PKD1L1: variants seen among roughly 807,000 people sequenced by gnomAD.
PKD1L1 encodes polycystin 1 like 1, transient receptor potential channel interacting.
Under a neutral mutation model 323.4 loss-of-function variants are expected in PKD1L1, and 236 were observed. The observed-to-expected ratio is 0.73, with a 90% confidence interval of 0.66 to 0.81. PKD1L1 has a LOEUF of 0.81. PKD1L1 is among the 40% of genes least tolerant of loss of function. PKD1L1 has a pLI of 0.00. For missense variants in PKD1L1, 3,320 were observed against 3,508.0 expected (o/e 0.95, Z 1.35); for synonymous variants, 1,344 against 1,335.0 (o/e 1.01, Z -0.15).
Position 47,890,563 on chromosome 7 carries a change from G to A in PKD1L1, c.2654C>T (p.Pro885Leu), listed in dbSNP as rs765494656. 2.3e-5 allele frequency: 37 copies of A among 1,614,002 alleles called. No homozygotes were observed. The East Asian group carries it at 7.6e-4, about 33-fold the overall frequency. Residue 885 changes from proline (P) to leucine (L), a missense_variant, in exon 16 of 57, where the codon CCC (proline) becomes CTC (leucine). Transcript: ENST00000289672. ...GTACCTGAACGCCGAGTCAGGGTAG[G>A]GGGACAGGAACACCCGGGTCTCAGA... ...NSSETRVFLS[P>L]YPDSAFRFVH...
chr7:47,930,223 T>G (rs181568751), intron 6 of PKD1L1, among the ~76,000 whole-genome samples: 96 of 152,108 alleles, frequency 6.3e-4, no homozygotes, highest in African/African-American at 2.2e-3. Context: ...CTCCCATGTT[T>G]TTTTTTTTTT....
Position 47,931,186 on chromosome 7 carries a change from T to TG in PKD1L1, c.654dup (p.Thr219HisfsTer50), listed in dbSNP as rs1562995569. ...GTCTGAGTGGGTCTGGCCACCTTGG[T>TG]GGGGGTCTCCATCGTGACAGTCCCA... On this transcript the variant is annotated frameshift_variant, in exon 6 of 57. Coordinates refer to ENST00000289672, the MANE Select transcript of PKD1L1 (RefSeq NM_138295.5). LOFTEE classifies it high-confidence loss of function. The TG allele has an allele frequency of 6.2e-7, 1 of 1,614,120 alleles. No homozygotes were observed. Among genetic ancestry groups the TG allele is most frequent in the Non-Finnish European group, 8.5e-7 (1 of 1,180,004 alleles).
At chr7:47,905,748 G>C (rs1787189521) in intron 10 of PKD1L1, 95 bp downstream of exon 10, 2 of 1,522,898 alleles carry the variant, frequency 1.3e-6, no homozygotes, top group African/African-American at 1.4e-5. Context: ...CAGCAGAGCC[G>C]ATAACAAAAC....
chr7:47,778,160 G>A (rs769957273), intron 56 of PKD1L1, among the ~76,000 whole-genome samples: 1 of 152,198 alleles, frequency 6.6e-6, no homozygotes, highest in Non-Finnish European at 1.5e-5. Context: ...CAGCAGATGA[G>A]GTGACTCAAA....
At chr7:47,792,486 C>T in intron 56 of PKD1L1, 141 bp downstream of exon 56, 1 of 814,840 alleles carries the variant, frequency 1.2e-6, no homozygotes, top group Non-Finnish European at 1.9e-6. Context: ...CTGGCCAGAG[C>T]ATATCTTATC....
chr7:47,952,599 T>A (rs1172459985), upstream of PKD1L1, among the ~76,000 whole-genome samples: 2 of 152,194 alleles, frequency 1.3e-5, no homozygotes, highest in Non-Finnish European at 2.9e-5. Flanking sequence ...TGGGCCGTTT[T>A]CTCTGAGATA....
Position 47,857,753 on chromosome 7 carries a change from A to G in PKD1L1, c.4442T>C (p.Val1481Ala), listed in dbSNP as rs1419290816. 1.9e-6 allele frequency: 3 copies of G among 1,613,974 alleles called. No individual in the cohort carries two copies. Among genetic ancestry groups the G allele is most frequent in the Middle Eastern group, 1.7e-4 (1 of 6,060 alleles). Residue 1481 changes from valine (V) to alanine (A), a missense_variant, in exon 28 of 57, where the codon GTC (valine) becomes GCC (alanine). Val to Ala is a moderately conservative substitution (Grantham distance 64). Coordinates refer to ENST00000289672, the MANE Select transcript of PKD1L1 (RefSeq NM_138295.5). ...CACCTGGACAGATCCCAGGCTCTGG[A>G]CAGAGCTCTGAAGGTTGTAATGAAG... ...TLLHYNLQSS[V>A]QSLGSVQVHL...
At chr7:47,788,579 T>TA (rs200657195) in intron 56 of PKD1L1, among the ~76,000 whole-genome samples, 7,131 of 70,466 alleles carry the variant, frequency 0.1, 379 homozygotes, top group African/African-American at 0.26. Context: ...ATATATATAT[T>TA]TTTTTTTTTT....
rs1784952599 is a variant in PKD1L1 at position 47,813,675 on chromosome 7, GTC to G, written c.7173+254_7173+255del. 4.5e-6 allele frequency: 3 copies of G among 668,726 alleles called. No individual in the cohort carries two copies. The East Asian group carries it at 8.4e-5, about 19-fold the overall frequency. The allele number at this position is 668,726 out of a possible 1,614,324, so 41.4% of individuals were successfully genotyped here. A position where few individuals can be genotyped will look rare whatever the true frequency, so the allele number is the denominator to read the frequency against. ...AATCCTAGTTTTGCCTAGAATGCCA[GTC>G]TCTAAGGCCAAAGAGTGAATTGAAG... On this transcript the variant is annotated intron_variant, in intron 48 of 56. Transcript: ENST00000289672.
At chr7:47,889,692 C>T (rs1413890465) in intron 16 of PKD1L1, among the ~76,000 whole-genome samples, 1 of 152,168 alleles carries the variant, frequency 6.6e-6, no homozygotes, top group Non-Finnish European at 1.5e-5. Flanking sequence ...ACAAACAGGA[C>T]CATAGTAACT....
intron 56 of PKD1L1, among the ~76,000 whole-genome samples, chr7:47,785,459 A>G (rs1341066373): frequency 6.6e-6 from 1 of 152,208 alleles, no homozygotes; most frequent in Non-Finnish European, 1.5e-5. Flanking sequence ...TTAAAGCTAT[A>G]GACAGCACTT....
In PKD1L1 at chr7:47,858,684, C is replaced by G. The variant is rs368504275; in HGVS notation, c.4351G>C (p.Asp1451His). Reference sequence around the variant, plus strand: ...AAAGTGTGACTTACCAACAATAAATCTGAGATGACTGTAATTCCTTCTTCA... The same window carrying G: ...AAAGTGTGACTTACCAACAATAAATGTGAGATGACTGTAATTCCTTCTTCA... ...RHEEGITVIS[D>H]LLLGCLSLNH... is the part of the protein sequence containing the mutation. Residue 1451 changes from aspartate to histidine, a missense_variant, in exon 27 of 57, where the codon GAT becomes CAT. Transcript: ENST00000289672. The G allele has an allele frequency of 1.2e-5, 20 of 1,611,912 alleles. No homozygotes were observed. The highest frequency in any genetic ancestry group is 1.6e-4 in the Middle Eastern group (1 of 6,082).
chr7:47,841,622 TTAA>T (rs1364244304), intron 34 of PKD1L1, among the ~76,000 whole-genome samples: 6 of 152,240 alleles, frequency 3.9e-5, no homozygotes, highest in Non-Finnish European at 8.8e-5. Flanking sequence ...ACTATTATTA[TTAA>T]TGTTATAGAT....
In PKD1L1 at chr7:47,883,205, CA is replaced by C. The variant is rs1382692535; in HGVS notation, c.3266-1121del. On this transcript the variant is annotated intron_variant, in intron 19 of 56. Coordinates refer to ENST00000289672, the MANE Select transcript of PKD1L1 (RefSeq NM_138295.5). ...GATGATGTTTTGATATACTGAAGAA[CA>C]AAATGAAACAAAAGCGTTCTGGCTA... is the stretch of plus-strand genomic sequence containing the variant. 2.6e-5 allele frequency among the ~76,000 whole-genome samples: 4 copies of C among 152,124 alleles called. 1 individual carries two copies. The South Asian group carries it at 8.3e-4, about 32-fold the overall frequency.
Position 47,840,537 on chromosome 7 carries a change from G to A in PKD1L1, c.5476C>T (p.Leu1826=). ...VYIVLCGDNG[L]SETKELSCPE... ...CAGGAGAGCTCCTTGGTTTCTGACA[G>A]TCCATTGTCGCCACATAAAACAATG... Residue 1826 remains leucine, a synonymous_variant, in exon 35 of 57, where the codon CTG becomes TTG. Coordinates refer to ENST00000289672, the MANE Select transcript of PKD1L1 (RefSeq NM_138295.5). The surrounding 1 kb of genome is among the most constrained non-coding windows in gnomAD (Gnocchi z 4.1). The A allele has an allele frequency of 6.2e-7, 1 of 1,614,068 alleles. No homozygotes were observed. Among genetic ancestry groups the A allele is most frequent in the Non-Finnish European group, 8.5e-7 (1 of 1,179,954 alleles).
chr7:47,946,191 A>G lies in PKD1L1; in HGVS notation c.44+2206T>C, dbSNP rs1354167209. 1.3e-5 allele frequency among the ~76,000 whole-genome samples: 2 copies of G among 152,168 alleles called. No homozygotes were observed. Among genetic ancestry groups the G allele is most frequent in the Admixed American group, 6.5e-5 (1 of 15,268 alleles). The stretch of plus-strand genomic sequence containing the variant: ...GGAACAGGATGATACTGATGGCTCA[A>G]ACACAGTCTCTGAGGCATCATGTGC... On this transcript the variant is annotated intron_variant, in intron 1 of 56. Transcript: ENST00000289672. This position sits in a 1 kb window ranked among gnomAD's most constrained non-coding sequence, Gnocchi z 4.1.
intron 1 of PKD1L1, among the ~76,000 whole-genome samples, chr7:47,943,728 T>C (rs1272073262): frequency 1.3e-5 from 2 of 152,212 alleles, no homozygotes; most frequent in East Asian, 3.9e-4. Flanking sequence ...AACTGAAATA[T>C]AGTTCCCATC....
Position 47,894,077 on chromosome 7 carries a change from G to A in PKD1L1, c.2272-18C>T. On this transcript the variant is annotated intron_variant, in intron 14 of 56. Coordinates refer to ENST00000289672, the MANE Select transcript of PKD1L1 (RefSeq NM_138295.5). ...ATCTGAACCTGCAGGGGCAAGGAAGGACAGGGGATGTCATGCAGGGACAAG... is the reference window on the plus strand; with the variant it reads ...ATCTGAACCTGCAGGGGCAAGGAAGAACAGGGGATGTCATGCAGGGACAAG... 1 of 1,531,894 alleles carries A rather than the reference G, an allele frequency of 6.5e-7. No individual in the cohort carries two copies. The highest frequency in any genetic ancestry group is 8.8e-7 in the Non-Finnish European group (1 of 1,139,130). 94.9% of individuals were successfully genotyped at this position (1,531,894 alleles called of 1,614,324 possible). A position where few individuals can be genotyped will look rare whatever the true frequency, so the allele number is the denominator to read the frequency against.
chr7:47,889,858 A>C (rs1786770173), intron 16 of PKD1L1, among the ~76,000 whole-genome samples: 1 of 152,168 alleles, frequency 6.6e-6, no homozygotes. Context: ...TGTCCAAAGC[A>C]GGTGGGCCTG....
Sources: gnomAD v4.1 joint callset for allele counts (sites outside exome capture counted in the v4.1 genomes callset) on GRCh38, gnomAD v4.1.1 for gene constraint, Gnocchi (gnomAD v3.1) non-coding constraint, MANE v1.5 for transcripts, NCBI Gene and HGNC (gene_info 2026-07-23, HGNC 2026-07-21) for gene names.